PCSK5: variants seen among roughly 807,000 people sequenced by gnomAD.
PCSK5 encodes proprotein convertase subtilisin/kexin type 5.
In PCSK5, 129 loss-of-function variants were observed where a neutral mutation model predicts 233.2. The ratio of observed to expected loss-of-function variants is 0.55; its 90% CI spans 0.48 to 0.64. PCSK5 has a LOEUF of 0.64. PCSK5 is among the 30% of genes least tolerant of loss of function. The pLI, the probability that PCSK5 is intolerant of heterozygous loss-of-function variation, is 0.00. For missense variants in PCSK5, 2,076 were observed against 2,430.1 expected, an observed-to-expected ratio of 0.85 and a Z score of 3.06; for synonymous variants, 825 against 879.2, an observed-to-expected ratio of 0.94 and a Z score of 1.09.
chr9:75,936,076 AGT>A (rs1172589662), intron 2 of PCSK5, among the ~76,000 whole-genome samples: 9 of 152,200 alleles, frequency 5.9e-5, no homozygotes, highest in Non-Finnish European at 1.0e-4. Flanking sequence ...TAGTCTATTA[AGT>A]GTGTAATAGC....
At chr9:76,035,590 T>C (rs748730096) in intron 5 of PCSK5, among the ~76,000 whole-genome samples, 3 of 149,378 alleles carry the variant, frequency 2.0e-5, no homozygotes, top group Non-Finnish European at 3.0e-5. Context: ...TGATAGTTGC[T>C]TGAATTTAAA....
intron 1 of PCSK5, 26 bp from the exon 2 acceptor site, chr9:75,932,353 C>A: frequency 2.2e-6 from 3 of 1,368,658 alleles, no homozygotes; most frequent in Non-Finnish European, 2.1e-6. Flanking sequence ...TTTTTTTGTT[C>A]TTTCCTTCCC....
intron 2 of PCSK5, among the ~76,000 whole-genome samples, chr9:75,978,153 C>T (rs1225058038): frequency 6.6e-6 from 1 of 152,052 alleles, no homozygotes; most frequent in South Asian, 2.1e-4. Context: ...TTAAAATTTC[C>T]TATTTTTTCT....
Position 76,181,425 on chromosome 9 carries a change from C to T in PCSK5, c.2031C>T (p.Gly677=), listed in dbSNP as rs531288070. The change falls in exon 16 of 38, where the codon GGC becomes GGT. Residue 677 remains glycine (G), a synonymous_variant. Transcript: ENST00000674117. ...TRICVSSCPP[G]HYHADKKRCR... ...TCTGTGTCTCCAGCTGCCCCCCTGG[C>T]CACTACCACGCCGACAAGAAGCGCT... The T allele has an allele frequency of 1.5e-5, 24 of 1,613,744 alleles. No homozygotes were observed. The South Asian group carries it at 2.2e-4, about 15-fold the overall frequency.
rs140830619 is a variant in PCSK5, at chr9:76,203,170, G to A, written c.2626+13424G>A. On this transcript the variant is annotated intron_variant, in intron 20 of 37. Transcript: ENST00000674117. Reference sequence around the variant, plus strand: ...TCCATGTAAAGAGAAAATAGCAGGAGACTTCACAGAGTTTCCATCACTGGT... The same window carrying A: ...TCCATGTAAAGAGAAAATAGCAGGAAACTTCACAGAGTTTCCATCACTGGT... Among the ~76,000 whole-genome samples, 266 of 152,192 alleles carry A rather than the reference G, an allele frequency of 1.7e-3. 1 individual carries two copies. Among genetic ancestry groups the A allele is most frequent in the African/African-American group, 6.0e-3 (249 of 41,548 alleles).
In PCSK5 at chr9:76,102,673, T is replaced by TGAGA. The variant is rs374292057; in HGVS notation, c.1108-4577_1108-4576insAGAG. ...TAAGGGATACGCAACCTGTAGTACT[T>TGAGA]GTGAGAGTATTAGCTGTACTTTAAA... is the stretch of plus-strand genomic sequence containing the variant. On this transcript the variant is annotated intron_variant, in intron 8 of 37. Transcript: ENST00000674117. Among the ~76,000 whole-genome samples, 247 of 152,300 alleles carry TGAGA rather than the reference T, an allele frequency of 1.6e-3. 2 individuals carry two copies. Among genetic ancestry groups the TGAGA allele is most frequent in the African/African-American group, 5.5e-3 (228 of 41,578 alleles).
intron 5 of PCSK5, among the ~76,000 whole-genome samples, chr9:76,035,922 T>G (rs1483608034): frequency 6.6e-6 from 1 of 152,022 alleles, no homozygotes; most frequent in African/African-American, 2.4e-5. Context: ...TCAAATCTCA[T>G]CAGCCAGTGA....
upstream of PCSK5, among the ~76,000 whole-genome samples, chr9:75,889,845 T>C (rs745380366): frequency 2.6e-5 from 4 of 152,176 alleles, no homozygotes; most frequent in African/African-American, 9.7e-5. Context: ...CCGCCACATA[T>C]CTCATCTGAA....
intron 5 of PCSK5, among the ~76,000 whole-genome samples, chr9:76,064,842 C>G (rs1252166058): frequency 1.3e-5 from 2 of 152,190 alleles, no homozygotes; most frequent in Admixed American, 1.3e-4. Flanking sequence ...TCCTCACTTC[C>G]TAGATGTGAT....
intron 20 of PCSK5, among the ~76,000 whole-genome samples, chr9:76,197,590 C>T (rs1010821526): frequency 6.6e-6 from 1 of 152,186 alleles, no homozygotes; most frequent in African/African-American, 2.4e-5. Context: ...TTCTTAACAG[C>T]TTCCATATTA....
At chr9:76,165,664 G>A (rs1029568602) in intron 12 of PCSK5, among the ~76,000 whole-genome samples, 13 of 152,180 alleles carry the variant, frequency 8.5e-5, no homozygotes, top group African/African-American at 3.1e-4. Context: ...TCGAGCACGT[G>A]ATTATGAAGT....
intron 10 of PCSK5, among the ~76,000 whole-genome samples, chr9:76,147,161 C>T (rs538261071): frequency 5.9e-5 from 9 of 152,266 alleles, no homozygotes; most frequent in African/African-American, 1.9e-4. Context: ...ATGTACTTAA[C>T]GCCTTAAGTA....
intron 9 of PCSK5, among the ~76,000 whole-genome samples, chr9:76,123,959 A>G: frequency 6.6e-6 from 1 of 151,460 alleles, no homozygotes; most frequent in Non-Finnish European, 1.5e-5. Flanking sequence ...TTCTTTTTTC[A>G]TTTGTATTGT....
intron 2 of PCSK5, among the ~76,000 whole-genome samples, chr9:75,946,865 G>A (rs1331688571): frequency 6.6e-6 from 1 of 152,142 alleles, no homozygotes; most frequent in Non-Finnish European, 1.5e-5. Flanking sequence ...TAGGATTACA[G>A]GCATAAGCCA....
At chr9:76,238,931 T>G in intron 22 of PCSK5, 28 bp from the exon 23 acceptor site, 1 of 1,524,846 alleles carries the variant, frequency 6.6e-7, no homozygotes, top group Admixed American at 1.7e-5. Context: ...ACATTTTCCC[T>G]CTTTTCGTTG....
chr9:76,112,421 A>C (rs1832259483), intron 9 of PCSK5, among the ~76,000 whole-genome samples: 1 of 152,208 alleles, frequency 6.6e-6, no homozygotes, highest in Non-Finnish European at 1.5e-5. Flanking sequence ...AAATTAAACT[A>C]ACAGCTGCTC....
chr9:76,238,560 G>C (rs1416220184), intron 22 of PCSK5, among the ~76,000 whole-genome samples: 1 of 152,202 alleles, frequency 6.6e-6, no homozygotes, highest in Non-Finnish European at 1.5e-5. Context: ...CATTATGCAT[G>C]TGTTTATTCT....
chr9:75,999,322 G>A (rs555378741), intron 3 of PCSK5, among the ~76,000 whole-genome samples: 3 of 152,106 alleles, frequency 2.0e-5, no homozygotes, highest in African/African-American at 7.2e-5. Flanking sequence ...CGGGGCTAGA[G>A]GAATTAAAGA....
chr9:76,257,531 C>T (rs1414494001), intron 24 of PCSK5, among the ~76,000 whole-genome samples: 1 of 152,192 alleles, frequency 6.6e-6, no homozygotes, highest in Non-Finnish European at 1.5e-5. Flanking sequence ...CCAGACTCAT[C>T]CTTTCCACAA....
Sources: gnomAD v4.1 joint callset for allele counts (sites outside exome capture counted in the v4.1 genomes callset) on GRCh38, gnomAD v4.1.1 for gene constraint, MANE v1.5 for transcripts, NCBI Gene and HGNC (gene_info 2026-07-23, HGNC 2026-07-21) for gene names.